HMX1: variants seen among roughly 807,000 people sequenced by gnomAD.
HMX1 encodes the protein H6 family homeobox 1.
HMX1 carries 8 observed loss-of-function variants against 8.9 expected under a neutral mutation model. The observed-to-expected ratio is 0.90, with a 90% CI of 0.53 to 1.63. HMX1 has a LOEUF of 1.63. Ranked by LOEUF, HMX1 falls within the 40% of genes most tolerant of loss-of-function variation. HMX1 has a pLI of 0.00. For synonymous variants in HMX1, 311 were observed against 283.4 expected, an observed-to-expected ratio of 1.10 and a Z score of -0.98; for missense variants, 621 against 558.5, an observed-to-expected ratio of 1.11 and a Z score of -1.13.
intron 1 of HMX1, among the ~76,000 whole-genome samples, chr4:8,860,239 G>A (rs902086539): frequency 6.6e-6 from 1 of 152,194 alleles, no homozygotes; most frequent in Admixed American, 6.5e-5. Context: ...TATACCCGGG[G>A]CCAAAACCGC....
rs541783756 is a variant in HMX1, at chr4:8,849,139, T to C, written c.395-2815A>G. ...TGAAACGGGGGTATGAAGTGTGGGA[T>C]GAAGCCTTTTCATGAGGTTGTGAGA... On this transcript the variant is annotated intron_variant, in intron 1 of 1. Coordinates refer to the HMX1 transcript ENST00000506970. The surrounding 1 kb of genome is among the most constrained non-coding windows in gnomAD (Gnocchi z 6.6). 3.0e-4 allele frequency among the ~76,000 whole-genome samples: 45 copies of C among 152,172 alleles called. No homozygotes were observed. Among genetic ancestry groups the C allele is most frequent in the African/African-American group, 1.1e-3 (44 of 41,536 alleles).
chr4:8,859,734 GACCCGAATGAGGACA>G (rs1721733480), intron 1 of HMX1, among the ~76,000 whole-genome samples: 1 of 152,210 alleles, frequency 6.6e-6, no homozygotes, highest in African/African-American at 2.4e-5. Flanking sequence ...GTCGCACTGG[GACCCGAATGAGGACA>G]TCCCCCCGCC....
At position 8,870,704 on chromosome 4, in the gene HMX1, C is replaced by T. The variant is rs1722182304; in HGVS notation, c.394+517G>A. 6.6e-6 allele frequency among the ~76,000 whole-genome samples: 1 copy of T among 151,422 alleles called. No homozygotes were observed. The highest frequency in any genetic ancestry group is 2.1e-4 in the South Asian group (1 of 4,748). ...TGCTCAATGCCCCCTTTTATTTTTCCACGTCTGATGCTACTTTGTCTCCCT... is the reference window on the plus strand; with the variant it reads ...TGCTCAATGCCCCCTTTTATTTTTCTACGTCTGATGCTACTTTGTCTCCCT... On this transcript the variant is annotated intron_variant, in intron 1 of 1. Transcript: ENST00000400677. The surrounding 1 kb of genome is among the most constrained non-coding windows in gnomAD (Gnocchi z 4.4).
chr4:8,869,359 G>A lies in HMX1; in HGVS notation c.395-1014C>T, dbSNP rs944404803. The stretch of plus-strand genomic sequence containing the variant: ...ACTGCAGGGCTCTGGAGGCTGACTC[G>A]GACCCGCTGCTTTTCTGCCTTGGTC... On this transcript the variant is annotated intron_variant, in intron 1 of 1. Transcript: ENST00000400677. Among the ~76,000 whole-genome samples the A allele has an allele frequency of 8.5e-5, 13 of 152,208 alleles. 1 individual carries two copies. The highest frequency in any genetic ancestry group is 1.9e-4 in the East Asian group (1 of 5,190).
rs145418804 is a variant in HMX1 at position 8,854,038 on chromosome 4, T to C, written c.395-7714A>G. 6.7e-4 allele frequency among the ~76,000 whole-genome samples: 102 copies of C among 152,354 alleles called. 2 individuals carry two copies. The East Asian group carries it at 0.018, about 27-fold the overall frequency. On this transcript the variant is annotated intron_variant, in intron 1 of 1. Coordinates refer to the HMX1 transcript ENST00000506970. ...GCCCTGCCCTGCCATCCCTTCCTGC[T>C]GATCCCTGCATGGTGTGCGAGAAAC...
At chr4:8,846,300 G>A (rs1370426756) in exon 2 of HMX1, 3 of 1,535,044 alleles carry the variant, frequency 2.0e-6, no homozygotes, top group Non-Finnish European at 2.6e-6. Flanking sequence ...ACACTGCACA[G>A]GCTGAGGTGT....
At position 8,871,419 on chromosome 4, in the gene HMX1, G is replaced by T; in HGVS notation, c.196C>A (p.Gln66Lys). 7.7e-7 allele frequency: 1 copy of T among 1,307,066 alleles called. No homozygotes were observed. Among genetic ancestry groups the T allele is most frequent in the Non-Finnish European group, 9.8e-7 (1 of 1,017,046 alleles). The allele number at this position is 1,307,066 out of a possible 1,614,324, so 81.0% of individuals were successfully genotyped here. ...CCCGCGAGCAACTGTCGCCGCCGCT[G>T]TAGCCGTCGCCGCCGCGCCTGCTCG... ...DAEQARRRRL[Q>K]RRRQLLAGTG... Residue 66 changes from glutamine (Q) to lysine (K), a missense_variant, in exon 1 of 2, where the codon CAG (glutamine) becomes AAG (lysine). By Grantham distance (53) the Gln-to-Lys change is moderately conservative. Transcript: ENST00000400677. The surrounding 1 kb of genome is among the most constrained non-coding windows in gnomAD (Gnocchi z 4.8).
intron 1 of HMX1, among the ~76,000 whole-genome samples, chr4:8,860,230 A>C (rs963687158): frequency 1.6e-4 from 25 of 152,172 alleles, no homozygotes; most frequent in Admixed American, 3.3e-4. Context: ...GGCCTTTCCT[A>C]TACCCGGGGC....
intron 1 of HMX1, among the ~76,000 whole-genome samples, chr4:8,851,661 GT>G (rs1228812436): frequency 6.6e-6 from 1 of 152,232 alleles, no homozygotes; most frequent in Non-Finnish European, 1.5e-5. Flanking sequence ...GGGACCCACG[GT>G]CGTCTCAGGC....
rs1722036232 is a variant in HMX1, at chr4:8,867,405, C to T, written c.*288G>A. On this transcript the variant is annotated 3_prime_UTR_variant, in exon 2 of 2. Transcript: ENST00000400677. The stretch of plus-strand genomic sequence containing the variant: ...ATGGCCGACCGCTCCTCGCTGAGGC[C>T]GGGGGGTGGCCGTGGCGCCGGGGGC... 3 of 1,076,364 alleles carry T rather than the reference C, an allele frequency of 2.8e-6. No individual in the cohort carries two copies. Among genetic ancestry groups the T allele is most frequent in the Middle Eastern group, 4.1e-4 (1 of 2,438 alleles). The allele number at this position is 1,076,364 out of a possible 1,614,324, so 66.7% of individuals were successfully genotyped here. A position where few individuals can be genotyped will look rare whatever the true frequency, so the allele number is the denominator to read the frequency against.
chr4:8,857,443 C>T (rs974360945), intron 1 of HMX1, among the ~76,000 whole-genome samples: 20 of 152,308 alleles, frequency 1.3e-4, no homozygotes, highest in Middle Eastern at 3.4e-3. Flanking sequence ...CCTTCCCCCG[C>T]GGCTTCCCTG....
At chr4:8,857,192 G>A (rs1721633319) in intron 1 of HMX1, among the ~76,000 whole-genome samples, 1 of 152,214 alleles carries the variant, frequency 6.6e-6, no homozygotes, top group Non-Finnish European at 1.5e-5. Context: ...GTCTCCTTGC[G>A]ACATTAAATG....
At chr4:8,859,965 G>A (rs1459517510) in intron 1 of HMX1, among the ~76,000 whole-genome samples, 1 of 152,260 alleles carries the variant, frequency 6.6e-6, no homozygotes, top group Non-Finnish European at 1.5e-5. Context: ...GGAGCAAGGA[G>A]GCACAACTGC....
chr4:8,861,996 C>A (rs531402193), intron 1 of HMX1, among the ~76,000 whole-genome samples: 1 of 152,204 alleles, frequency 6.6e-6, no homozygotes, highest in East Asian at 1.9e-4. Flanking sequence ...CGCCAAGGAC[C>A]CTTCAGCCCT....
At position 8,853,622 on chromosome 4, in the gene HMX1, C is replaced by A. The variant is rs999059354; in HGVS notation, c.395-7298G>T. Reference sequence around the variant, plus strand: ...ATCCCAGCACTTTGGCAGGCCAAGGCGGGCGGATCACCTGAGGTCAGGAGT... The same window carrying A: ...ATCCCAGCACTTTGGCAGGCCAAGGAGGGCGGATCACCTGAGGTCAGGAGT... On this transcript the variant is annotated intron_variant, in intron 1 of 1. Transcript: ENST00000506970. The surrounding 1 kb of genome is among the most constrained non-coding windows in gnomAD (Gnocchi z 4.7). 3.9e-5 allele frequency among the ~76,000 whole-genome samples: 6 copies of A among 152,196 alleles called. No individual in the cohort carries two copies. The highest frequency in any genetic ancestry group is 1.2e-4 in the African/African-American group (5 of 41,448).
rs865936244 is a variant in HMX1 at position 8,871,434 on chromosome 4, G to A, written c.181C>T (p.Arg61Trp). 1.5e-6 allele frequency: 2 copies of A among 1,320,476 alleles called. No individual in the cohort carries two copies. The highest frequency in any genetic ancestry group is 2.9e-4 in the Middle Eastern group (1 of 3,476). 81.8% of individuals were successfully genotyped at this position (1,320,476 alleles called of 1,614,324 possible). ...DPEDEDAEQARRRRLQRRRQL... is the reference protein window; with the variant it reads ...DPEDEDAEQAWRRRLQRRRQL... ...CGCCGCCGCTGTAGCCGTCGCCGCC[G>A]CGCCTGCTCGGCGTCCTCGTCTTCG... The change falls in exon 1 of 2, where the codon CGG becomes TGG. Residue 61 changes from arginine to tryptophan, a missense_variant. Transcript: ENST00000400677. This position sits in a 1 kb window ranked among gnomAD's most constrained non-coding sequence, Gnocchi z 4.8.
downstream of HMX1, among the ~76,000 whole-genome samples, chr4:8,865,279 C>T (rs1227877774): frequency 6.6e-6 from 1 of 152,252 alleles, no homozygotes; most frequent in East Asian, 1.9e-4. Flanking sequence ...AGTTGCATCA[C>T]AGCGATAACC....
chr4:8,867,715 G>GCC lies in HMX1; in HGVS notation c.1023_1024dup (p.Ala342GlyfsTer69). On this transcript the variant is annotated frameshift_variant, in exon 2 of 2. Coordinates refer to ENST00000400677, the MANE Select transcript of HMX1 (RefSeq NM_018942.3). LOFTEE classifies it high-confidence loss of function. ...GGCTCACACCAGGCCAGGCATCTGC[G>GCC]CCCGCAGAAAGGGCACGGAGGCGGC... is the stretch of plus-strand genomic sequence containing the variant. The GCC allele has an allele frequency of 2.3e-6, 3 of 1,277,616 alleles. No homozygotes were observed. The highest frequency in any genetic ancestry group is 3.0e-6 in the Non-Finnish European group (3 of 1,016,032). 79.1% of individuals were successfully genotyped at this position (1,277,616 alleles called of 1,614,324 possible). A position where few individuals can be genotyped will look rare whatever the true frequency, so the allele number is the denominator to read the frequency against.
In HMX1 at chr4:8,853,790, T is replaced by C. The variant is rs1031858196; in HGVS notation, c.395-7466A>G. On this transcript the variant is annotated intron_variant, in intron 1 of 1. Transcript: ENST00000506970. This position sits in a 1 kb window ranked among gnomAD's most constrained non-coding sequence, Gnocchi z 4.7. Reference sequence around the variant, plus strand: ...ATTGTTTGAACCCGGGAGGTGGAGGTTGCAGTGAGCCGAGATCACACCACT... The same window carrying C: ...ATTGTTTGAACCCGGGAGGTGGAGGCTGCAGTGAGCCGAGATCACACCACT... Among the ~76,000 whole-genome samples, 3 of 150,092 alleles carry C rather than the reference T, an allele frequency of 2.0e-5. No individual in the cohort carries two copies. Among genetic ancestry groups the C allele is most frequent in the Non-Finnish European group, 3.0e-5 (2 of 67,398 alleles).
Sources: allele counts gnomAD v4.1 joint callset (sites outside exome capture counted in the v4.1 genomes callset), GRCh38; gene constraint gnomAD v4.1.1; non-coding constraint Gnocchi (gnomAD v3.1); transcripts MANE v1.5; gene names NCBI Gene and HGNC (gene_info 2026-07-23, HGNC 2026-07-21).